Variants in LYN observed in about 807,000 individuals in gnomAD.
LYN encodes LYN proto-oncogene, Src family tyrosine kinase.
LYN carries 12 observed loss-of-function variants against 65.0 expected under a neutral mutation model. The ratio of observed to expected loss-of-function variants is 0.18; its 90% confidence interval spans 0.12 to 0.30. The LOEUF is 0.30. Among genes scored for constraint, LYN ranks in the 10% least tolerant of loss-of-function variants. The pLI, the probability that LYN is intolerant of heterozygous loss-of-function variation, is 1.00. For missense variants in LYN, 380 were observed against 623.2 expected (o/e 0.61, Z 4.16); for synonymous variants, 222 against 221.2 (o/e 1.00, Z -0.03).
chr8:55,927,476 A>G (rs1329663968), intron 1 of LYN, among the ~76,000 whole-genome samples: 3 of 152,158 alleles, frequency 2.0e-5, no homozygotes, highest in African/African-American at 4.8e-5. Context: ...AAATGGATAA[A>G]TATTTTATTT....
At chr8:55,908,524 C>T (rs1413507735) in intron 1 of LYN, among the ~76,000 whole-genome samples, 2 of 152,158 alleles carry the variant, frequency 1.3e-5, no homozygotes, top group Non-Finnish European at 2.9e-5. Context: ...GGATTCCAGG[C>T]CTGAGCCACC....
chr8:55,904,918 C>G (rs1220874029), intron 1 of LYN, among the ~76,000 whole-genome samples: 2 of 151,928 alleles, frequency 1.3e-5, no homozygotes, highest in Non-Finnish European at 2.9e-5. Context: ...GATTCTCAAC[C>G]CTGGCTGCTC....
Position 55,955,432 on chromosome 8 carries a change from T to C in LYN, c.790+1448T>C, listed in dbSNP as rs528021668. 3.9e-5 allele frequency: 6 copies of C among 152,310 alleles called. 1 individual carries two copies. Among genetic ancestry groups the C allele is most frequent in the African/African-American group, 1.4e-4 (6 of 41,542 alleles). 9.4% of individuals were successfully genotyped at this position (152,310 alleles called of 1,614,324 possible). A position where few individuals can be genotyped will look rare whatever the true frequency, so the allele number is the denominator to read the frequency against. ...TCAGTTTCTGTTCCACTCAGCAGAT[T>C]CATGGGTGTGAGTGCTCACTCTGAA... On this transcript the variant is annotated intron_variant, in intron 8 of 12. Transcript: ENST00000519728.
rs144938693 is a variant in LYN at position 55,946,627 on chromosome 8, T to C, written c.178+134T>C. The C allele has an allele frequency of 7.9e-4, 507 of 641,440 alleles. No individual in the cohort carries two copies. The African/African-American group carries it at 8.3e-3, about 10-fold the overall frequency. 39.7% of individuals were successfully genotyped at this position (641,440 alleles called of 1,614,324 possible). The stretch of plus-strand genomic sequence containing the variant: ...ACATAAAAATTTACCCTCTTAACTA[T>C]TTTTAAGTATACATTTCAGCAGCAT... On this transcript the variant is annotated intron_variant, in intron 3 of 12. Coordinates refer to ENST00000519728, the MANE Select transcript of LYN (RefSeq NM_002350.4).
At chr8:55,901,514 A>T (rs1199377154) in intron 1 of LYN, among the ~76,000 whole-genome samples, 1 of 152,112 alleles carries the variant, frequency 6.6e-6, no homozygotes, top group Non-Finnish European at 1.5e-5. Context: ...CCCTGGAACT[A>T]CTTCTGGTGG....
intron 8 of LYN, among the ~76,000 whole-genome samples, chr8:55,957,542 A>C (rs1807156660): frequency 6.6e-6 from 1 of 152,228 alleles, no homozygotes; most frequent in Non-Finnish European, 1.5e-5. Flanking sequence ...AGCCAGGATA[A>C]AGCATCAAAT....
intron 10 of LYN, among the ~76,000 whole-genome samples, chr8:55,986,579 G>T (rs1808079301): frequency 6.6e-6 from 1 of 152,104 alleles, no homozygotes; most frequent in African/African-American, 2.4e-5. Flanking sequence ...AGGCATTGTG[G>T]GTCCTTGCAT....
chr8:55,929,676 G>A (rs1000221347), intron 1 of LYN, among the ~76,000 whole-genome samples: 1 of 152,220 alleles, frequency 6.6e-6, no homozygotes, highest in African/African-American at 2.4e-5. Context: ...GAGGCCTGGA[G>A]AGGTGCTACT....
intron 2 of LYN, among the ~76,000 whole-genome samples, chr8:55,943,612 T>C (rs183130066): frequency 1.4e-3 from 206 of 150,656 alleles, no homozygotes; most frequent in Non-Finnish European, 1.1e-3. Context: ...TTATAGTTTC[T>C]CTAGTCTGAC....
chr8:55,949,560 A>T lies in LYN; in HGVS notation c.285-899A>T, dbSNP rs546740013. On this transcript the variant is annotated intron_variant, in intron 4 of 12. Transcript: ENST00000519728. ...TGGATATAAACACTTTTTTCCTTTT[A>T]TTTTTAGTTGACATGGAATAATTAT... Among the ~76,000 whole-genome samples the T allele has an allele frequency of 1.2e-3, 184 of 152,180 alleles. 1 individual carries two copies. The highest frequency in any genetic ancestry group is 4.2e-3 in the African/African-American group (174 of 41,538).
At chr8:55,977,514 AT>A (rs1164214239) in intron 10 of LYN, among the ~76,000 whole-genome samples, 3 of 152,038 alleles carry the variant, frequency 2.0e-5, no homozygotes, top group East Asian at 1.9e-4. Context: ...TGCTCCTAAC[AT>A]TTTGTTTTAT....
rs1806917008 is a variant in LYN at position 55,950,699 on chromosome 8, A to G, written c.402A>G (p.Ile134Met). ...TTCACAGGTGGTTTTTCAAGGATAT[A>G]ACCAGGAAGGACGCAGAAAGGCAGC... ...LETEEWFFKD[I>M]TRKDAERQLL... Residue 134 changes from isoleucine to methionine, a missense_variant, in exon 6 of 13, where the codon ATA becomes ATG. Transcript: ENST00000519728. 1.2e-6 allele frequency: 2 copies of G among 1,613,852 alleles called. No homozygotes were observed. The highest frequency in any genetic ancestry group is 1.7e-6 in the Non-Finnish European group (2 of 1,179,688).
At chr8:55,920,054 T>C (rs980860591) in intron 1 of LYN, among the ~76,000 whole-genome samples, 3 of 152,340 alleles carry the variant, frequency 2.0e-5, no homozygotes, top group South Asian at 2.1e-4. Flanking sequence ...TCAATGCCAA[T>C]TGAAAAAGAC....
At chr8:55,973,569 G>T (rs1807667354) in intron 10 of LYN, among the ~76,000 whole-genome samples, 1 of 152,228 alleles carries the variant, frequency 6.6e-6, no homozygotes, top group Non-Finnish European at 1.5e-5. Context: ...AACCAGTGGG[G>T]ATTTCCTTCA....
chr8:55,934,091 T>C (rs1806349347), intron 1 of LYN, among the ~76,000 whole-genome samples: 1 of 152,130 alleles, frequency 6.6e-6, no homozygotes, highest in Non-Finnish European at 1.5e-5. Flanking sequence ...CCAGGCATGG[T>C]GGCGAGCGCC....
At chr8:55,998,264 C>A in intron 10 of LYN, 82 bp from the exon 11 acceptor site, 1 of 1,075,090 alleles carries the variant, frequency 9.3e-7, no homozygotes, top group Non-Finnish European at 1.4e-6. Flanking sequence ...TTCAGGAATT[C>A]ATAAGTTTTC....
chr8:55,973,649 A>T (rs1211105554), intron 10 of LYN, among the ~76,000 whole-genome samples: 1 of 152,244 alleles, frequency 6.6e-6, no homozygotes, highest in South Asian at 2.1e-4. Context: ...TTACAGTTGC[A>T]GTTTGGAGAG....
intron 1 of LYN, among the ~76,000 whole-genome samples, chr8:55,938,759 T>A (rs1436838078): frequency 6.6e-6 from 1 of 152,230 alleles, no homozygotes; most frequent in Non-Finnish European, 1.5e-5. Context: ...AGATGAAACA[T>A]GCATTTCAAA....
intron 1 of LYN, among the ~76,000 whole-genome samples, chr8:55,940,079 G>A (rs1376467426): frequency 5.3e-5 from 8 of 152,200 alleles, no homozygotes; most frequent in Non-Finnish European, 1.2e-4. Context: ...CAGCGATGCC[G>A]GAGAGGGCCG....
Sources: gnomAD v4.1 joint callset for allele counts (sites outside exome capture counted in the v4.1 genomes callset) on GRCh38, gnomAD v4.1.1 for gene constraint, MANE v1.5 for transcripts, NCBI Gene and HGNC (gene_info 2026-07-23, HGNC 2026-07-21) for gene names.